TXNDC9: variants seen among roughly 807,000 people sequenced by gnomAD.
TXNDC9 encodes the protein thioredoxin domain-containing protein 9.
Under a neutral mutation model 23.0 loss-of-function variants are expected in TXNDC9, and 7 were observed. The ratio of observed to expected loss-of-function variants is 0.30; its 90% CI spans 0.17 to 0.57. The LOEUF (loss-of-function observed/expected upper bound fraction) is 0.57, where lower values mean the gene tolerates loss of function less well. TXNDC9 is among the 20% of genes least tolerant of loss of function. The probability of loss-of-function intolerance (pLI) is 0.90; values close to 1 mark genes in which losing one functional copy is unlikely to be tolerated. For synonymous variants in TXNDC9, 72 were observed against 90.6 expected (o/e 0.79, Z 1.17); for missense variants, 198 against 252.6 (o/e 0.78, Z 1.47).
chr2:99,336,193 C>T lies in TXNDC9; in HGVS notation c.-33+46G>A, dbSNP rs1044555779. 8.1e-6 allele frequency: 8 copies of T among 985,160 alleles called. No homozygotes were observed. In the African/African-American group the frequency reaches 1.2e-4, roughly 15 times the overall value. The allele number at this position is 985,160 out of a possible 1,614,324, so 61.0% of individuals were successfully genotyped here. Reference sequence around the variant, plus strand: ...TGTGGAGCAGCAGAATGTTCACCAGCACCCGGACGTGGTGGTCGGATTCTT... The same window carrying T: ...TGTGGAGCAGCAGAATGTTCACCAGTACCCGGACGTGGTGGTCGGATTCTT... On this transcript the variant is annotated intron_variant, in intron 1 of 4. Coordinates refer to ENST00000264255, the MANE Select transcript of TXNDC9 (RefSeq NM_005783.4).
At chr2:99,321,205 G>T (rs113388460) in intron 4 of TXNDC9, 1 of 152,112 alleles carries the variant, frequency 6.6e-6, no homozygotes, top group Admixed American at 6.5e-5. Flanking sequence ...AGGGAAATGG[G>T]GGAGAAAGAA....
Position 99,333,082 on chromosome 2 carries a change from T to C in TXNDC9, c.129A>G (p.Glu43=). The change falls in exon 2 of 5, where the codon GAA becomes GAG. Residue 43 remains glutamate (E), a synonymous_variant. Coordinates refer to ENST00000264255, the MANE Select transcript of TXNDC9 (RefSeq NM_005783.4). ...IQKLDQMDED[E]LERLKEKRLQ... The stretch of plus-strand genomic sequence containing the variant: ...GTCTCTTTTCTTTAAGGCGTTCCAA[T>C]TCATCCTCATCCATCTGATCCAGTT... 6.2e-7 allele frequency: 1 copy of C among 1,614,040 alleles called. No individual in the cohort carries two copies.
At chr2:99,313,426 G>A in the TXNDC9 span, among the ~76,000 whole-genome samples, 2 of 152,152 alleles carry the variant, frequency 1.3e-5, no homozygotes, top group South Asian at 4.2e-4. Context: ...ATAGTGATAG[G>A]GTTATAAAAG....
chr2:99,321,722 C>T (rs978264068), intron 4 of TXNDC9: 6 of 472,276 alleles, frequency 1.3e-5, no homozygotes, highest in African/African-American at 4.0e-5. Flanking sequence ...GTCAGGAGTA[C>T]GGTGAGACTC....
At chr2:99,312,754 A>G in the TXNDC9 span, among the ~76,000 whole-genome samples, 1 of 152,242 alleles carries the variant, frequency 6.6e-6, no homozygotes, top group African/African-American at 2.4e-5. Flanking sequence ...TTATCTGTGG[A>G]GATGAGACTA....
chr2:99,323,867 T>C (rs1485628301), intron 3 of TXNDC9, among the ~76,000 whole-genome samples: 1 of 152,094 alleles, frequency 6.6e-6, no homozygotes, highest in African/African-American at 2.4e-5. Context: ...CTTTTTTGAG[T>C]TGGACTCTCA....
At chr2:99,307,875 T>C in the TXNDC9 span, among the ~76,000 whole-genome samples, 9 of 151,112 alleles carry the variant, frequency 6.0e-5, no homozygotes, top group Non-Finnish European at 8.8e-5. Flanking sequence ...AGACGGTAAA[T>C]CCCTTGCCTG....
chr2:99,336,094 TG>T, intron 1 of TXNDC9, 144 bp downstream of exon 1: 1 of 720,594 alleles, frequency 1.4e-6, no homozygotes, highest in Non-Finnish European at 1.7e-6. Context: ...CGACGCCTCC[TG>T]GTGCGCTTGC....
chr2:99,334,554 A>C (rs2094233980), intron 1 of TXNDC9, among the ~76,000 whole-genome samples: 1 of 152,256 alleles, frequency 6.6e-6, no homozygotes, highest in African/African-American at 2.4e-5. Context: ...TGTACTGAAT[A>C]CTGCAGACAA....
downstream of TXNDC9, among the ~76,000 whole-genome samples, chr2:99,314,451 G>A (rs1367669212): frequency 6.8e-6 from 1 of 147,860 alleles, no homozygotes; most frequent in East Asian, 2.0e-4. Flanking sequence ...TTTACAATGT[G>A]TTAGGTATTA....
intron 2 of TXNDC9, among the ~76,000 whole-genome samples, chr2:99,329,027 C>T (rs1574908704): frequency 6.6e-6 from 1 of 152,130 alleles, no homozygotes; most frequent in East Asian, 1.9e-4. Flanking sequence ...AAACCCAATT[C>T]GTCTTGGGGA....
chr2:99,309,386 A>G, the TXNDC9 span, among the ~76,000 whole-genome samples: 1 of 152,136 alleles, frequency 6.6e-6, no homozygotes, highest in Admixed American at 6.5e-5. Context: ...AAAAAAATTA[A>G]AACAATTTTA....
At chr2:99,315,621 C>T (rs538952722), downstream of TXNDC9, among the ~76,000 whole-genome samples, 1 of 152,250 alleles carries the variant, frequency 6.6e-6, no homozygotes, top group African/African-American at 2.4e-5. Flanking sequence ...TTAGATATTC[C>T]TCTTAGAGTT....
chr2:99,329,917 A>C (rs1304381850), intron 2 of TXNDC9, among the ~76,000 whole-genome samples: 3 of 152,028 alleles, frequency 2.0e-5, no homozygotes, highest in Non-Finnish European at 4.4e-5. Flanking sequence ...CAGTGAGCCA[A>C]GATCACACCA....
chr2:99,315,223 C>T (rs182809903), downstream of TXNDC9, among the ~76,000 whole-genome samples: 948 of 151,882 alleles, frequency 6.2e-3, 6 homozygotes, highest in African/African-American at 0.021. Context: ...CCACCATACC[C>T]GGCTAATTTT....
the TXNDC9 span, among the ~76,000 whole-genome samples, chr2:99,309,148 G>A: frequency 6.6e-6 from 1 of 152,100 alleles, no homozygotes; most frequent in African/African-American, 2.4e-5. Context: ...TGAGGCAGGT[G>A]GATTGCTTGA....
the TXNDC9 span, among the ~76,000 whole-genome samples, chr2:99,311,511 TG>T: frequency 6.6e-6 from 1 of 152,228 alleles, no homozygotes; most frequent in Non-Finnish European, 1.5e-5. Flanking sequence ...TTGCCCAGGC[TG>T]GTCTCGAACT....
chr2:99,335,400 T>G (rs970345432), intron 1 of TXNDC9, among the ~76,000 whole-genome samples: 20 of 152,240 alleles, frequency 1.3e-4, no homozygotes, highest in African/African-American at 4.6e-4. Flanking sequence ...CAGCAGGTAC[T>G]CAATAAACAT....
the TXNDC9 span, among the ~76,000 whole-genome samples, chr2:99,313,589 G>C: frequency 6.6e-6 from 1 of 152,110 alleles, no homozygotes; most frequent in East Asian, 1.9e-4. Flanking sequence ...GGTGAGCTAT[G>C]ACCACCACTG....
Sources: gnomAD v4.1 joint callset for allele counts (sites outside exome capture counted in the v4.1 genomes callset) on GRCh38, gnomAD v4.1.1 for gene constraint, MANE v1.5 for transcripts, NCBI Gene and HGNC (gene_info 2026-07-23, HGNC 2026-07-21) for gene names.